Variants in SRD5A2 observed in about 807,000 individuals in gnomAD.
SRD5A2 encodes 3-oxo-5-alpha-steroid 4-dehydrogenase 2.
In SRD5A2, 30 loss-of-function variants were observed where a neutral mutation model predicts 27.4. The ratio of observed to expected loss-of-function variants is 1.10; its 90% CI spans 0.82 to 1.49. The LOEUF is 1.49. SRD5A2 is among the 40% of genes most tolerant of loss of function. The pLI, the probability that SRD5A2 is intolerant of heterozygous loss-of-function variation, is 0.00. For synonymous variants in SRD5A2, 141 were observed against 133.6 expected (o/e 1.06, Z -0.38); for missense variants, 348 against 323.4 (o/e 1.08, Z -0.58).
intron 1 of SRD5A2, among the ~76,000 whole-genome samples, chr2:31,538,010 A>T (rs1469373244): frequency 6.6e-6 from 1 of 152,200 alleles, no homozygotes; most frequent in Non-Finnish European, 1.5e-5. Flanking sequence ...TAAATTACCC[A>T]GTCTCAGGTA....
upstream of SRD5A2, among the ~76,000 whole-genome samples, chr2:31,583,864 A>G (rs1203077357): frequency 6.6e-6 from 1 of 152,058 alleles, no homozygotes; most frequent in Non-Finnish European, 1.5e-5. Context: ...CACACCACCC[A>G]AGACCACATG....
At chr2:31,590,784 T>A in the SRD5A2 span, among the ~76,000 whole-genome samples, 1 of 152,032 alleles carries the variant, frequency 6.6e-6, no homozygotes, top group South Asian at 2.1e-4. Flanking sequence ...CACATATATA[T>A]AACTATCTGA....
At chr2:31,625,840 G>A in the SRD5A2 span, among the ~76,000 whole-genome samples, 2 of 152,108 alleles carry the variant, frequency 1.3e-5, no homozygotes, top group Non-Finnish European at 2.9e-5. Flanking sequence ...TCTTGGCTAT[G>A]TAGGCTCTTT....
upstream of SRD5A2, among the ~76,000 whole-genome samples, chr2:31,585,343 T>G (rs58203711): frequency 9.9e-3 from 1,502 of 152,154 alleles, 20 homozygotes; most frequent in South Asian, 0.028. Flanking sequence ...AGTGCTGGCA[T>G]CACCCCTCCC....
At chr2:31,560,055 T>TCC (rs67240045) in intron 1 of SRD5A2, among the ~76,000 whole-genome samples, 6 of 122,384 alleles carry the variant, frequency 4.9e-5, no homozygotes, top group Admixed American at 2.5e-4. Flanking sequence ...TACATACCAA[T>TCC]CCCCCCCCCC....
At chr2:31,648,306 C>T in the SRD5A2 span, among the ~76,000 whole-genome samples, 2 of 152,314 alleles carry the variant, frequency 1.3e-5, no homozygotes, top group South Asian at 2.1e-4. Flanking sequence ...GTGCTGTTTT[C>T]CATTTGGATT....
At chr2:31,535,526 T>A (rs912753979) in intron 1 of SRD5A2, among the ~76,000 whole-genome samples, 2 of 152,180 alleles carry the variant, frequency 1.3e-5, no homozygotes, top group Non-Finnish European at 2.9e-5. Context: ...ACTATGAGGA[T>A]CTTTAATTAT....
At chr2:31,651,272 A>C in the SRD5A2 span, 2 of 152,872 alleles carry the variant, frequency 1.3e-5, no homozygotes, top group Non-Finnish European at 2.9e-5. Context: ...AATCTAAAAA[A>C]ATTATCCCAT....
the SRD5A2 span, among the ~76,000 whole-genome samples, chr2:31,644,271 A>C: frequency 1.3e-5 from 2 of 152,188 alleles, no homozygotes. Flanking sequence ...AGAAAACACA[A>C]AGAAAGCCTG....
the SRD5A2 span, among the ~76,000 whole-genome samples, chr2:31,597,895 G>A: frequency 6.6e-6 from 1 of 152,126 alleles, no homozygotes; most frequent in East Asian, 1.9e-4. Context: ...GCAGTATGGA[G>A]ATTCCTTAAA....
At chr2:31,604,999 C>T in the SRD5A2 span, among the ~76,000 whole-genome samples, 1 of 151,614 alleles carries the variant, frequency 6.6e-6, no homozygotes, top group East Asian at 1.9e-4. Flanking sequence ...ACAAATCCCA[C>T]ACACCTACAG....
intron 1 of SRD5A2, among the ~76,000 whole-genome samples, chr2:31,560,105 A>G (rs907193544): frequency 2.3e-5 from 3 of 132,804 alleles, no homozygotes; most frequent in Non-Finnish European, 3.2e-5. Context: ...GGAATCAAGT[A>G]TTTTAGGTAG....
At chr2:31,599,149 A>G in the SRD5A2 span, among the ~76,000 whole-genome samples, 1 of 151,986 alleles carries the variant, frequency 6.6e-6, no homozygotes, top group Non-Finnish European at 1.5e-5. Flanking sequence ...CAACACTGGA[A>G]CATCCAGATA....
chr2:31,560,939 T>C (rs527820808), intron 1 of SRD5A2, among the ~76,000 whole-genome samples: 71 of 152,274 alleles, frequency 4.7e-4, no homozygotes, highest in African/African-American at 1.7e-3. Flanking sequence ...CAGCAACTCA[T>C]CTAGTTTTTT....
chr2:31,581,950 T>G (rs1245391257), upstream of SRD5A2, among the ~76,000 whole-genome samples: 1 of 152,242 alleles, frequency 6.6e-6, no homozygotes, highest in Non-Finnish European at 1.5e-5. Flanking sequence ...GTTCTATGAT[T>G]CAGCTTCCAG....
chr2:31,579,448 C>T (rs1347028014), intron 1 of SRD5A2, among the ~76,000 whole-genome samples: 1 of 152,192 alleles, frequency 6.6e-6, no homozygotes, highest in Non-Finnish European at 1.5e-5. Context: ...AAGGCAAAAC[C>T]TTCAAGGTTT....
chr2:31,557,181 C>G (rs549357163), intron 1 of SRD5A2, among the ~76,000 whole-genome samples: 1 of 152,320 alleles, frequency 6.6e-6, no homozygotes, highest in Non-Finnish European at 1.5e-5. Flanking sequence ...GTTGCACAAG[C>G]AAGTCACCTG....
chr2:31,662,176 T>C, the SRD5A2 span, among the ~76,000 whole-genome samples: 1 of 152,188 alleles, frequency 6.6e-6, no homozygotes, highest in African/African-American at 2.4e-5. Context: ...TTGGATCATA[T>C]TTTCCTGTTT....
At chr2:31,533,549 T>C (rs1665960733) in intron 2 of SRD5A2, 54 bp downstream of exon 2, 7 of 1,512,006 alleles carry the variant, frequency 4.6e-6, no homozygotes, top group Non-Finnish European at 6.3e-6. Flanking sequence ...CGATGTAGAT[T>C]GTGGGAAGGG....
Sources: allele counts gnomAD v4.1 joint callset (sites outside exome capture counted in the v4.1 genomes callset), GRCh38; gene constraint gnomAD v4.1.1; transcripts MANE v1.5; gene names NCBI Gene and HGNC (gene_info 2026-07-23, HGNC 2026-07-21).